Variants in SAP30BP observed in about 807,000 individuals in gnomAD.
The protein encoded by SAP30BP is SAP30 binding protein.
SAP30BP carries 31 observed loss-of-function variants against 46.3 expected under a neutral mutation model. The ratio of observed to expected loss-of-function variants is 0.67; its 90% CI spans 0.50 to 0.90. The LOEUF (loss-of-function observed/expected upper bound fraction) is 0.90, where lower values mean the gene tolerates loss of function less well. Among genes scored for constraint, SAP30BP ranks in the 40% least tolerant of loss-of-function variants. The pLI is 0.00. For synonymous variants in SAP30BP, 169 were observed against 144.2 expected (o/e 1.17, Z -1.23); for missense variants, 312 against 391.0 (o/e 0.80, Z 1.70).
chr17:75,672,098 A>G, intron 3 of SAP30BP: 1 of 515,896 alleles, frequency 1.9e-6, no homozygotes, highest in Non-Finnish European at 3.6e-6. Context: ...TCTCCTGACT[A>G]GAAAGGCGAG....
At chr17:75,668,406 C>T (rs2148361420) in intron 1 of SAP30BP, 110 bp from the exon 2 acceptor site, 2 of 628,230 alleles carry the variant, frequency 3.2e-6, no homozygotes, top group East Asian at 3.1e-5. Flanking sequence ...CCCTTTGTAT[C>T]TTCAGAGATA....
rs138618458 is a variant in SAP30BP, at chr17:75,668,316, T to C, written c.107-200T>C. ...TACTCGGTTTTGTTCCCTGACCTTT[T>C]AATGATTTTATTCAGTAAATGCTGG... On this transcript the variant is annotated intron_variant, in intron 1 of 10. Coordinates refer to ENST00000584667, the MANE Select transcript of SAP30BP (RefSeq NM_013260.8). 6.0e-4 allele frequency: 309 copies of C among 514,894 alleles called. 2 individuals are homozygous for C. In the East Asian group the frequency reaches 8.9e-3, roughly 15 times the overall value. 31.9% of individuals were successfully genotyped at this position (514,894 alleles called of 1,614,324 possible). A position where few individuals can be genotyped will look rare whatever the true frequency, so the allele number is the denominator to read the frequency against.
intron 4 of SAP30BP, among the ~76,000 whole-genome samples, chr17:75,694,929 C>T (rs1395724313): frequency 6.6e-6 from 1 of 152,218 alleles, no homozygotes; most frequent in Non-Finnish European, 1.5e-5. Context: ...TAGAGTAAGA[C>T]TTGCCAATTT....
intron 4 of SAP30BP, among the ~76,000 whole-genome samples, chr17:75,695,322 G>A (rs1328251320): frequency 6.6e-6 from 1 of 152,184 alleles, no homozygotes; most frequent in African/African-American, 2.4e-5. Context: ...ATTGCCAAAT[G>A]TCCCCTTGGG....
At chr17:75,694,477 T>C (rs954625836) in intron 4 of SAP30BP, among the ~76,000 whole-genome samples, 12 of 152,248 alleles carry the variant, frequency 7.9e-5, no homozygotes, top group Admixed American at 3.3e-4. Context: ...GCCTCTCTGA[T>C]GGAGTTTCAG....
rs1023737084 is a variant in SAP30BP, at chr17:75,703,831, G to T, written c.573G>T (p.Trp191Cys). Reference sequence around the variant, plus strand: ...AGGATATGTTTGATCCCCATGGCTGGTCTGAGGACTCCTACTATGAGGCAT... The same window carrying T: ...AGGATATGTTTGATCCCCATGGCTGTTCTGAGGACTCCTACTATGAGGCAT... ...YPKDMFDPHGWSEDSYYEALA... is the reference protein window; with the variant it reads ...YPKDMFDPHGCSEDSYYEALA... Residue 191 changes from tryptophan to cysteine, a missense_variant, in exon 8 of 11, where the codon TGG becomes TGT. Trp to Cys is a radical substitution (Grantham distance 215). Coordinates refer to ENST00000584667, the MANE Select transcript of SAP30BP (RefSeq NM_013260.8). 3.7e-6 allele frequency: 6 copies of T among 1,613,876 alleles called. No individual in the cohort carries two copies. Among genetic ancestry groups the T allele is most frequent in the Non-Finnish European group, 5.1e-6 (6 of 1,179,742 alleles).
chr17:75,695,253 A>T (rs1009127218), intron 4 of SAP30BP, among the ~76,000 whole-genome samples: 8 of 152,226 alleles, frequency 5.3e-5, no homozygotes, highest in African/African-American at 1.9e-4. Context: ...GTCTCTACCC[A>T]CTACGTGCCA....
At chr17:75,695,098 C>T (rs903559868) in intron 4 of SAP30BP, among the ~76,000 whole-genome samples, 1 of 152,210 alleles carries the variant, frequency 6.6e-6, no homozygotes, top group African/African-American at 2.4e-5. Context: ...CTGTGATCTA[C>T]ACTCTCCTCA....
At chr17:75,698,281 G>T (rs1354362390) in intron 4 of SAP30BP, among the ~76,000 whole-genome samples, 1 of 152,238 alleles carries the variant, frequency 6.6e-6, no homozygotes, top group Admixed American at 6.5e-5. Flanking sequence ...CAGGAATGAG[G>T]TGGGCTAAGA....
chr17:75,696,543 CAATTA>C (rs2060322077), intron 4 of SAP30BP, among the ~76,000 whole-genome samples: 1 of 146,382 alleles, frequency 6.8e-6, no homozygotes, highest in African/African-American at 2.5e-5. Flanking sequence ...GACTCCATCT[CAATTA>C]AAAAAAAAAA....
chr17:75,705,882 C>A, intron 9 of SAP30BP, 126 bp from the exon 10 acceptor site: 1 of 1,374,980 alleles, frequency 7.3e-7, no homozygotes, highest in Non-Finnish European at 1.0e-6. Flanking sequence ...ATGGGCAGAG[C>A]AGAGTTCATT....
chr17:75,671,909 T>A (rs373363432), intron 3 of SAP30BP, 46 bp downstream of exon 3: 1 of 1,466,242 alleles, frequency 6.8e-7, no homozygotes, highest in Non-Finnish European at 9.6e-7. Context: ...AAACAAGGTG[T>A]TTGAACACTG....
chr17:75,704,476 G>A (rs1191649706), intron 8 of SAP30BP, among the ~76,000 whole-genome samples: 2 of 152,176 alleles, frequency 1.3e-5, no homozygotes, highest in African/African-American at 4.8e-5. Flanking sequence ...CAGTAGGAGG[G>A]TAGTCCCCAT....
chr17:75,705,902 T>C (rs1249382753), intron 9 of SAP30BP, 106 bp from the exon 10 acceptor site: 24 of 1,500,762 alleles, frequency 1.6e-5, no homozygotes, highest in Middle Eastern at 1.7e-4. Flanking sequence ...TTCCAATGCC[T>C]CTTTTGTGTA....
rs192342617 is a variant in SAP30BP at position 75,703,384 on chromosome 17, C to T, written c.549+13C>T. 3.7e-6 allele frequency: 6 copies of T among 1,612,908 alleles called. No homozygotes were observed. The highest frequency in any genetic ancestry group is 3.3e-5 in the Admixed American group (2 of 59,988). The stretch of plus-strand genomic sequence containing the variant: ...CAACTACCCAAAGGTGCGTCTGGCA[C>T]ACGGGGCTGGAGGGTGATGGGGACA... On this transcript the variant is annotated intron_variant, in intron 7 of 10. Coordinates refer to ENST00000584667, the MANE Select transcript of SAP30BP (RefSeq NM_013260.8).
chr17:75,690,784 A>C (rs1482534051), intron 3 of SAP30BP: 1 of 456,338 alleles, frequency 2.2e-6, no homozygotes, highest in Non-Finnish European at 4.4e-6. Flanking sequence ...TATAGCCAGC[A>C]GGAGGCAGAT....
At position 75,688,399 on chromosome 17, in the gene SAP30BP, A is replaced by G. The variant is rs114187906; in HGVS notation, c.265-5041A>G. On this transcript the variant is annotated intron_variant, in intron 3 of 10. Coordinates refer to ENST00000584667, the MANE Select transcript of SAP30BP (RefSeq NM_013260.8). Reference sequence around the variant, plus strand: ...CCACGTACTTGTAAGATGCAAGATTACATTGCCCAACAGGAAACCCCCAGT... The same window carrying G: ...CCACGTACTTGTAAGATGCAAGATTGCATTGCCCAACAGGAAACCCCCAGT... Among the ~76,000 whole-genome samples the G allele has an allele frequency of 3.5e-3, 539 of 152,334 alleles. 3 individuals carry two copies. The highest frequency in any genetic ancestry group is 0.013 in the African/African-American group (523 of 41,570).
chr17:75,669,401 C>G (rs569933918), intron 2 of SAP30BP, among the ~76,000 whole-genome samples: 1 of 152,090 alleles, frequency 6.6e-6, no homozygotes, highest in East Asian at 1.9e-4. Context: ...CCTGCCATCA[C>G]GCCTGGCTAA....
At chr17:75,694,911 A>G (rs961928461) in intron 4 of SAP30BP, among the ~76,000 whole-genome samples, 9 of 152,234 alleles carry the variant, frequency 5.9e-5, no homozygotes, top group South Asian at 4.1e-4. Flanking sequence ...ATTGAGGTAT[A>G]ATTTACATAG....
Sources: allele counts gnomAD v4.1 joint callset (sites outside exome capture counted in the v4.1 genomes callset), GRCh38; gene constraint gnomAD v4.1.1; transcripts MANE v1.5; gene names NCBI Gene and HGNC (gene_info 2026-07-23, HGNC 2026-07-21).